DNAH14: variants seen among roughly 807,000 people sequenced by gnomAD.
DNAH14 encodes the protein axonemal beta dynein heavy chain 14.
Under a neutral mutation model 520.9 loss-of-function variants are expected in DNAH14, and 478 were observed. The ratio of observed to expected loss-of-function variants is 0.92; its 90% confidence interval spans 0.85 to 0.99. The LOEUF is 0.99. Among genes scored for constraint, DNAH14 ranks in the 50% least tolerant of loss-of-function variants. DNAH14 has a pLI of 0.00. For missense variants in DNAH14, 4,831 were observed against 5,234.5 expected, an observed-to-expected ratio of 0.92 and a Z score of 2.38; for synonymous variants, 1,581 against 1,757.2, an observed-to-expected ratio of 0.90 and a Z score of 2.51.
chr1:225,085,263 A>C lies in DNAH14; in HGVS notation c.3328-281A>C, dbSNP rs79177137. 3.8e-3 allele frequency among the ~76,000 whole-genome samples: 586 copies of C among 152,300 alleles called. 5 individuals are homozygous for C. Among genetic ancestry groups the C allele is most frequent in the African/African-American group, 0.013 (554 of 41,572 alleles). ...CTGAAGGAAATAATACCATCTACAC[A>C]TATACAGAAGGTGTATACTCTTTAT... On this transcript the variant is annotated intron_variant, in intron 20 of 85. Transcript: ENST00000682510.
chr1:225,379,195 C>T (rs2095747598), intron 79 of DNAH14, among the ~76,000 whole-genome samples: 1 of 152,236 alleles, frequency 6.6e-6, no homozygotes, highest in African/African-American at 2.4e-5. Flanking sequence ...TGGAATGTTC[C>T]ATGCGGCTGC....
chr1:225,151,337 G>C (rs1422396869), intron 31 of DNAH14, among the ~76,000 whole-genome samples: 1 of 115,876 alleles, frequency 8.6e-6, no homozygotes. Context: ...AGTTGGGGGT[G>C]GGGGGGTCAC....
intron 11 of DNAH14, among the ~76,000 whole-genome samples, chr1:225,026,127 A>G (rs2929632): frequency 0.9 from 137,478 of 152,018 alleles, 63,717 homozygotes; most frequent in East Asian, 1. Flanking sequence ...ATCATGCCCA[A>G]CTAAGTTATT....
At position 225,322,686 on chromosome 1, in the gene DNAH14, C is replaced by G; in HGVS notation, c.9358C>G (p.Leu3120Val). The stretch of plus-strand genomic sequence containing the variant: ...CAGAGTATACACACGGCCTCCCTTC[C>G]TTGTACTGACTGTCATGAATGCAGT... ...ELRVYTRPPF[L>V]VLTVMNAVCI... Residue 3120 changes from leucine (L) to valine (V), a missense_variant, in exon 62 of 86, where the codon CTT becomes GTT. By Grantham distance (32) the Leu-to-Val change is conservative. Coordinates refer to ENST00000682510, the MANE Select transcript of DNAH14 (RefSeq NM_001367479.1). The G allele has an allele frequency of 6.5e-7, 1 of 1,547,678 alleles. No homozygotes were observed. Among genetic ancestry groups the G allele is most frequent in the Non-Finnish European group, 8.7e-7 (1 of 1,143,774 alleles).
intron 8 of DNAH14, among the ~76,000 whole-genome samples, chr1:224,983,420 G>A (rs752254783): frequency 7.9e-5 from 12 of 152,020 alleles, no homozygotes; most frequent in African/African-American, 1.4e-4. Flanking sequence ...AATAAAAGCC[G>A]TCTATGACAA....
chr1:224,967,641 G>A (rs2061267632), intron 6 of DNAH14, 58 bp downstream of exon 6: 1 of 1,595,952 alleles, frequency 6.3e-7, no homozygotes, highest in East Asian at 2.3e-5. Flanking sequence ...TATTATCCAA[G>A]GTAGAATTTA....
chr1:224,968,522 T>C (rs2061327905), intron 6 of DNAH14, among the ~76,000 whole-genome samples: 1 of 152,104 alleles, frequency 6.6e-6, no homozygotes, highest in African/African-American at 2.4e-5. Flanking sequence ...GTTTCTCTTC[T>C]CTCTGTTGGA....
rs2095444433 is a variant in DNAH14, at chr1:225,357,596, A to G, written c.11620-900A>G. Among the ~76,000 whole-genome samples the G allele has an allele frequency of 2.9e-5, 4 of 139,706 alleles. No individual in the cohort carries two copies. The South Asian group carries it at 9.4e-4, about 33-fold the overall frequency. The allele number at this position is 139,706 out of a possible 152,430, so 91.7% of individuals were successfully genotyped here. On this transcript the variant is annotated intron_variant, in intron 73 of 85. Transcript: ENST00000682510. ...TTGTGTGCTGCCTCTTTTCATTTTT[A>G]AAAATATAATTAAAAGAAAATTTTA...
chr1:225,275,222 A>G (rs1439420241), intron 52 of DNAH14, among the ~76,000 whole-genome samples: 1 of 152,206 alleles, frequency 6.6e-6, no homozygotes, highest in Non-Finnish European at 1.5e-5. Flanking sequence ...AGGAATTCCC[A>G]GTGCCAGACA....
At chr1:225,136,322 T>C (rs78844114) in intron 27 of DNAH14, among the ~76,000 whole-genome samples, 11,093 of 152,242 alleles carry the variant, frequency 0.073, 627 homozygotes, top group East Asian at 0.24. Context: ...TAGTGCTTCT[T>C]TCAGGAGCTC....
chr1:225,209,851 G>A (rs936621065), intron 41 of DNAH14, among the ~76,000 whole-genome samples: 3 of 152,152 alleles, frequency 2.0e-5, no homozygotes, highest in Admixed American at 6.5e-5. Context: ...CACAAAGGGC[G>A]AGCAGAAGCA....
chr1:225,335,401 A>G (rs2094939939), intron 66 of DNAH14, among the ~76,000 whole-genome samples: 1 of 107,200 alleles, frequency 9.3e-6, no homozygotes, highest in East Asian at 3.1e-4. Flanking sequence ...ACACATGTGT[A>G]CATGTGTGTG....
At chr1:224,991,120 A>G (rs1333526026) in intron 8 of DNAH14, among the ~76,000 whole-genome samples, 1 of 82,032 alleles carries the variant, frequency 1.2e-5, no homozygotes, top group Non-Finnish European at 2.1e-5. Flanking sequence ...TTTGAGACGG[A>G]GTCTTCCTCT....
Position 225,062,484 on chromosome 1 carries a change from C to A in DNAH14, c.2424+10689C>A, listed in dbSNP as rs189862356. 2.6e-4 allele frequency among the ~76,000 whole-genome samples: 39 copies of A among 152,010 alleles called. No individual in the cohort carries two copies. The East Asian group carries it at 7.4e-3, about 29-fold the overall frequency. On this transcript the variant is annotated intron_variant, in intron 17 of 85. Coordinates refer to ENST00000682510, the MANE Select transcript of DNAH14 (RefSeq NM_001367479.1). Reference sequence around the variant, plus strand: ...AATATGTACAGGGAGGGGGAACTGGCCTCAATAAGTTGAGGATATGGCTGA... The same window carrying A: ...AATATGTACAGGGAGGGGGAACTGGACTCAATAAGTTGAGGATATGGCTGA...
intron 81 of DNAH14, among the ~76,000 whole-genome samples, chr1:225,385,505 T>G (rs1478963067): frequency 2.0e-5 from 3 of 152,214 alleles, no homozygotes; most frequent in Non-Finnish European, 4.4e-5. Flanking sequence ...AAAATCTCCT[T>G]AAGCTGATAA....
chr1:225,116,955 A>C (rs1336334527), intron 23 of DNAH14, among the ~76,000 whole-genome samples: 1 of 152,220 alleles, frequency 6.6e-6, no homozygotes, highest in Non-Finnish European at 1.5e-5. Context: ...CGTGGAGAGA[A>C]GACAAGCAAG....
chr1:225,367,709 C>A, intron 76 of DNAH14, 96 bp from the exon 77 acceptor site: 1 of 807,120 alleles, frequency 1.2e-6, no homozygotes, highest in South Asian at 1.9e-5. Flanking sequence ...ACATTCTTGC[C>A]CAGTTCTTTT....
chr1:225,006,366 A>G (rs2064168711), intron 9 of DNAH14, among the ~76,000 whole-genome samples: 1 of 152,220 alleles, frequency 6.6e-6, no homozygotes, highest in African/African-American at 2.4e-5. Flanking sequence ...GGAGATAACC[A>G]TAAGGTCTGA....
At chr1:225,039,865 G>A (rs1279348396) in intron 12 of DNAH14, among the ~76,000 whole-genome samples, 1 of 76,832 alleles carries the variant, frequency 1.3e-5, no homozygotes. Context: ...GCGACAGAGC[G>A]AGACTCCGTC....
Sources: allele counts gnomAD v4.1 joint callset (sites outside exome capture counted in the v4.1 genomes callset), GRCh38; gene constraint gnomAD v4.1.1; transcripts MANE v1.5; gene names NCBI Gene and HGNC (gene_info 2026-07-23, HGNC 2026-07-21).